Variants in ANXA4 observed in about 807,000 individuals in gnomAD.
ANXA4 encodes the protein 35-beta calcimedin.
Under a neutral mutation model 49.8 loss-of-function variants are expected in ANXA4, and 39 were observed. The ratio of observed to expected loss-of-function variants is 0.78; its 90% CI spans 0.61 to 1.02. The LOEUF is 1.02. Among genes scored for constraint, ANXA4 ranks in the 50% least tolerant of loss-of-function variants. The pLI is 0.00. For synonymous variants in ANXA4, 134 were observed against 152.5 expected (o/e 0.88, Z 0.89); for missense variants, 360 against 410.1 (o/e 0.88, Z 1.05).
At position 69,788,048 on chromosome 2, in the gene ANXA4, G is replaced by A; in HGVS notation, c.10-6G>A. ...TCTCAGTAACATCACTCTCTTGTGTGCTCAGGCAACCAAAGGAGGTACTGT... is the reference window on the plus strand; with the variant it reads ...TCTCAGTAACATCACTCTCTTGTGTACTCAGGCAACCAAAGGAGGTACTGT... On this transcript the variant is annotated splice_polypyrimidine_tract_variant and splice_region_variant and intron_variant, in intron 2 of 12. Transcript: ENST00000394295. The A allele has an allele frequency of 6.2e-7, 1 of 1,613,122 alleles. No individual in the cohort carries two copies. Among genetic ancestry groups the A allele is most frequent in the Non-Finnish European group, 8.5e-7 (1 of 1,179,208 alleles).
intron 3 of ANXA4, among the ~76,000 whole-genome samples, chr2:69,802,381 G>A (rs377031674): frequency 7.7e-4 from 117 of 152,314 alleles, no homozygotes; most frequent in African/African-American, 2.7e-3. Context: ...TTGCATGACC[G>A]TGGACTTGAA....
Position 69,807,901 on chromosome 2 carries a change from T to A in ANXA4, c.307-5T>A. ...TATAGCCCTGTCCTCTGGTTTCTTGTTTAGGGAGCCGGCACTGATGAGGGC... is the reference window on the plus strand; with the variant it reads ...TATAGCCCTGTCCTCTGGTTTCTTGATTAGGGAGCCGGCACTGATGAGGGC... On this transcript the variant is annotated splice_region_variant and splice_polypyrimidine_tract_variant and intron_variant, in intron 5 of 12. Transcript: ENST00000394295. The A allele has an allele frequency of 6.2e-7, 1 of 1,613,910 alleles. No individual in the cohort carries two copies. Among genetic ancestry groups the A allele is most frequent in the Non-Finnish European group, 8.5e-7 (1 of 1,179,860 alleles).
chr2:69,797,920 A>G (rs539274387), intron 3 of ANXA4, among the ~76,000 whole-genome samples: 1 of 152,350 alleles, frequency 6.6e-6, no homozygotes, highest in Admixed American at 6.5e-5. Context: ...CCATTTTACT[A>G]GGTGGTGCTA....
At chr2:69,821,989 G>C (rs1674263773) in intron 12 of ANXA4, among the ~76,000 whole-genome samples, 1 of 152,176 alleles carries the variant, frequency 6.6e-6, no homozygotes, top group Non-Finnish European at 1.5e-5. Flanking sequence ...CTTGTGCACT[G>C]TTGGTAGGAA....
At chr2:69,736,672 G>T (rs1216228089) in intron 3 of ANXA4, among the ~76,000 whole-genome samples, 2 of 152,092 alleles carry the variant, frequency 1.3e-5, no homozygotes, top group African/African-American at 4.8e-5. Context: ...CTTAAGAAAA[G>T]GTACATGGGA....
chr2:69,662,153 A>T (rs1182170842), intron 2 of ANXA4, among the ~76,000 whole-genome samples: 3 of 152,184 alleles, frequency 2.0e-5, no homozygotes, highest in African/African-American at 7.2e-5. Context: ...GAGAACTCAC[A>T]TATTGGGTAC....
At chr2:69,745,491 G>T (rs2105476972) in intron 1 of ANXA4, among the ~76,000 whole-genome samples, 1 of 152,274 alleles carries the variant, frequency 6.6e-6, no homozygotes, top group South Asian at 2.1e-4. Flanking sequence ...TTGGATGATT[G>T]TGATTCAGGC....
At chr2:69,781,697 T>C (rs1416150090) in intron 2 of ANXA4, 123 bp downstream of exon 2, 3 of 1,156,002 alleles carry the variant, frequency 2.6e-6, no homozygotes, top group African/African-American at 1.5e-5. Context: ...GAGGAGGACA[T>C]GAAAAGGCAG....
At chr2:69,699,592 C>A (rs1348394011) in intron 2 of ANXA4, among the ~76,000 whole-genome samples, 1 of 152,090 alleles carries the variant, frequency 6.6e-6, no homozygotes, top group African/African-American at 2.4e-5. Context: ...TATGATCATG[C>A]CACTGTGTTC....
chr2:69,681,273 T>C (rs2105357535), intron 2 of ANXA4, among the ~76,000 whole-genome samples: 1 of 152,234 alleles, frequency 6.6e-6, no homozygotes, highest in Middle Eastern at 3.4e-3. Context: ...CTCTAGGTTT[T>C]CCAGTTTGTT....
intron 3 of ANXA4, among the ~76,000 whole-genome samples, chr2:69,797,822 C>A (rs1190360713): frequency 2.6e-5 from 4 of 152,170 alleles, no homozygotes; most frequent in Non-Finnish European, 5.9e-5. Flanking sequence ...AAGGTTTGGT[C>A]TCTATTAGAG....
chr2:69,749,909 C>T (rs573875201), intron 1 of ANXA4, among the ~76,000 whole-genome samples: 102 of 146,306 alleles, frequency 7.0e-4, no homozygotes, highest in African/African-American at 2.2e-3. Context: ...GGTGACAGAG[C>T]GAGACTCTAT....
At chr2:69,647,341 A>G (rs1676043039) in intron 1 of ANXA4, among the ~76,000 whole-genome samples, 1 of 151,800 alleles carries the variant, frequency 6.6e-6, no homozygotes, top group Non-Finnish European at 1.5e-5. Flanking sequence ...TATGCCAGTT[A>G]TGGAATTTAA....
At chr2:69,720,699 A>T (rs1369030544) in intron 2 of ANXA4, 1 of 152,108 alleles carries the variant, frequency 6.6e-6, no homozygotes, top group Non-Finnish European at 1.5e-5. Context: ...AGACATTCTC[A>T]ATCTGCCTAT....
At chr2:69,740,023 G>A (rs745321184), upstream of ANXA4, among the ~76,000 whole-genome samples, 11 of 152,120 alleles carry the variant, frequency 7.2e-5, no homozygotes, top group Non-Finnish European at 1.5e-4. Context: ...AGCTAAAAAA[G>A]TTAGCCTCTG....
At chr2:69,750,561 C>T (rs981885844) in intron 1 of ANXA4, among the ~76,000 whole-genome samples, 10 of 152,124 alleles carry the variant, frequency 6.6e-5, no homozygotes, top group Admixed American at 2.6e-4. Flanking sequence ...TATAGGCACG[C>T]GCTGCCACAC....
chr2:69,805,475 G>A (rs1573294559), intron 4 of ANXA4, among the ~76,000 whole-genome samples: 2 of 151,750 alleles, frequency 1.3e-5, no homozygotes, highest in East Asian at 3.9e-4. Context: ...GCATGGTGGT[G>A]GGCACCTGTA....
At chr2:69,819,651 A>G (rs1674147386) in intron 11 of ANXA4, among the ~76,000 whole-genome samples, 1 of 152,176 alleles carries the variant, frequency 6.6e-6, no homozygotes, top group East Asian at 1.9e-4. Context: ...CAAGATTCTC[A>G]GTGAGGAAGT....
chr2:69,806,520 C>G (rs1200890193), intron 5 of ANXA4, 22 bp downstream of exon 5: 4 of 1,583,824 alleles, frequency 2.5e-6, no homozygotes. Context: ...TCCTCTCGTG[C>G]TCTTGGTGCT....
Sources: gnomAD v4.1 joint callset for allele counts (sites outside exome capture counted in the v4.1 genomes callset) on GRCh38, gnomAD v4.1.1 for gene constraint, MANE v1.5 for transcripts, NCBI Gene and HGNC (gene_info 2026-07-23, HGNC 2026-07-21) for gene names.